Variants in XPNPEP3 observed in about 807,000 individuals in gnomAD.
The protein encoded by XPNPEP3 is xaa-Pro aminopeptidase 3.
In XPNPEP3, 41 loss-of-function variants were observed where a neutral mutation model predicts 60.0. That is an observed-to-expected ratio of 0.68 (90% CI 0.53 to 0.89). The LOEUF (loss-of-function observed/expected upper bound fraction) is 0.89, where lower values mean the gene tolerates loss of function less well. Ranked by LOEUF, XPNPEP3 falls within the 40% of genes least tolerant of loss-of-function variation. XPNPEP3 has a pLI of 0.00. For synonymous variants in XPNPEP3, 212 were observed against 223.2 expected (o/e 0.95, Z 0.45); for missense variants, 598 against 638.9 (o/e 0.94, Z 0.69).
At chr22:40,895,854 T>C (rs1476012289) in intron 4 of XPNPEP3, among the ~76,000 whole-genome samples, 1 of 152,136 alleles carries the variant, frequency 6.6e-6, no homozygotes, top group Non-Finnish European at 1.5e-5. Flanking sequence ...TATCGTACAC[T>C]GTCTTACTCC....
chr22:40,892,568 A>G (rs1601505566), intron 4 of XPNPEP3, among the ~76,000 whole-genome samples: 1 of 152,180 alleles, frequency 6.6e-6, no homozygotes, highest in East Asian at 1.9e-4. Context: ...TCCTAATTCC[A>G]CTAAGGCTCT....
At chr22:40,887,310 G>A (rs961096369) in intron 4 of XPNPEP3, among the ~76,000 whole-genome samples, 1 of 152,144 alleles carries the variant, frequency 6.6e-6, no homozygotes, top group African/African-American at 2.4e-5. Flanking sequence ...CCCTAGGTGA[G>A]GGCCAGGCAG....
chr22:40,902,515 G>T (rs920716210), intron 4 of XPNPEP3, among the ~76,000 whole-genome samples: 3 of 152,086 alleles, frequency 2.0e-5, no homozygotes, highest in African/African-American at 7.2e-5. Context: ...CTCCCAAAGT[G>T]CTGGGATTAC....
rs73412748 is a variant in XPNPEP3, at chr22:40,868,139, T to G, written c.65-860T>G. Among the ~76,000 whole-genome samples the G allele has an allele frequency of 8.8e-3, 1,341 of 152,334 alleles. 28 individuals carry two copies. The highest frequency in any genetic ancestry group is 0.031 in the African/African-American group (1,288 of 41,578). On this transcript the variant is annotated intron_variant, in intron 1 of 9. Transcript: ENST00000357137. ...CATGTGCAAAGAATTTTTTAATTAATGCTAATAACTAACATTTGTTGTACT... is the reference window on the plus strand; with the variant it reads ...CATGTGCAAAGAATTTTTTAATTAAGGCTAATAACTAACATTTGTTGTACT...
chr22:40,905,227 G>A (rs530631356), intron 4 of XPNPEP3, among the ~76,000 whole-genome samples: 1 of 151,932 alleles, frequency 6.6e-6, no homozygotes, highest in South Asian at 2.1e-4. Context: ...CCACAGGCGC[G>A]TACCACCACG....
Position 40,867,769 on chromosome 22 carries a change from T to C in XPNPEP3, c.65-1230T>C, listed in dbSNP as rs116943238. On this transcript the variant is annotated intron_variant, in intron 1 of 9. Coordinates refer to ENST00000357137, the MANE Select transcript of XPNPEP3 (RefSeq NM_022098.4). ...GGAAGGAAATATTAGTTTGCATTTT[T>C]CTAAAGCATCCAAACTGTTGGAGAT... 2.5e-3 allele frequency among the ~76,000 whole-genome samples: 380 copies of C among 152,190 alleles called. 12 individuals carry two copies. In the East Asian group the frequency reaches 0.068, roughly 27 times the overall value.
At position 40,886,338 on chromosome 22, in the gene XPNPEP3, C is replaced by A; in HGVS notation, c.615C>A (p.Asp205Glu). ...MKAETNMVWY[D>E]WMRPSHAQLH... is the part of the protein sequence containing the mutation. ...CTGAGACGAACATGGTTTGGTATGA[C>A]TGGATGAGGCCCTCACATGCACAGC... The change falls in exon 4 of 10, where the codon GAC becomes GAA. Residue 205 changes from aspartate (D) to glutamate (E), a missense_variant. Physicochemically the swap from Asp to Glu is conservative, Grantham distance 45. Transcript: ENST00000357137. 1 of 1,614,080 alleles carries A rather than the reference C, an allele frequency of 6.2e-7. No individual in the cohort carries two copies. The highest frequency in any genetic ancestry group is 8.5e-7 in the Non-Finnish European group (1 of 1,180,034).
At position 40,908,459 on chromosome 22, in the gene XPNPEP3, A is replaced by G. The variant is rs114635938; in HGVS notation, c.856-663A>G. On this transcript the variant is annotated intron_variant, in intron 5 of 9. Coordinates refer to ENST00000357137, the MANE Select transcript of XPNPEP3 (RefSeq NM_022098.4). ...CTTGAGCCTGGAAGGTTCAGGCTATAGTGAACTATGATTGCCCCACTGCAC... is the reference window on the plus strand; with the variant it reads ...CTTGAGCCTGGAAGGTTCAGGCTATGGTGAACTATGATTGCCCCACTGCAC... 5.4e-3 allele frequency among the ~76,000 whole-genome samples: 825 copies of G among 152,176 alleles called. 4 individuals carry two copies. The highest frequency in any genetic ancestry group is 0.019 in the African/African-American group (794 of 41,510).
intron 1 of XPNPEP3, among the ~76,000 whole-genome samples, chr22:40,866,998 G>A (rs761558830): frequency 3.9e-5 from 6 of 152,192 alleles, no homozygotes; most frequent in Non-Finnish European, 4.4e-5. Flanking sequence ...GTGCACGAGC[G>A]TGCATGTGGA....
intron 4 of XPNPEP3, among the ~76,000 whole-genome samples, chr22:40,887,057 C>T (rs961152307): frequency 1.3e-5 from 2 of 152,034 alleles, no homozygotes; most frequent in African/African-American, 4.8e-5. Flanking sequence ...TTAATTATTT[C>T]TCCTTAGAAC....
chr22:40,901,288 G>A (rs1189007104), intron 4 of XPNPEP3, among the ~76,000 whole-genome samples: 2 of 132,934 alleles, frequency 1.5e-5, no homozygotes, highest in Non-Finnish European at 3.1e-5. Context: ...AGGCTGGAGT[G>A]CAATGGCCCA....
chr22:40,873,630 T>C (rs1179136115), intron 2 of XPNPEP3, among the ~76,000 whole-genome samples: 2 of 151,690 alleles, frequency 1.3e-5, no homozygotes, highest in African/African-American at 4.8e-5. Context: ...GTAAGCAAAA[T>C]TAGCTGAGTG....
At chr22:40,899,543 C>T (rs972409700) in intron 4 of XPNPEP3, among the ~76,000 whole-genome samples, 10 of 152,040 alleles carry the variant, frequency 6.6e-5, no homozygotes, top group Non-Finnish European at 1.0e-4. Context: ...AAGTTGTGCC[C>T]GGGCACAGTG....
chr22:40,888,477 C>T (rs958985238), intron 4 of XPNPEP3: 15 of 408,570 alleles, frequency 3.7e-5, no homozygotes, highest in Admixed American at 3.4e-4. Context: ...CTCCTGAGCT[C>T]AAGCAGTCCG....
At chr22:40,902,649 T>C (rs571776282) in intron 4 of XPNPEP3, among the ~76,000 whole-genome samples, 8 of 152,024 alleles carry the variant, frequency 5.3e-5, no homozygotes, top group African/African-American at 1.9e-4. Context: ...TCCCAAAGTG[T>C]TGGGATTACA....
chr22:40,901,260 T>A (rs1397918418), intron 4 of XPNPEP3, among the ~76,000 whole-genome samples: 1 of 147,116 alleles, frequency 6.8e-6, no homozygotes, highest in Non-Finnish European at 1.5e-5. Context: ...GAGATGGAGT[T>A]TCACTCTTCT....
In XPNPEP3 at chr22:40,909,149, G is replaced by T. The variant is rs758089128; in HGVS notation, c.883G>T (p.Ala295Ser). The change falls in exon 6 of 10, where the codon GCA (alanine) becomes TCA (serine). Residue 295 changes from alanine to serine, a missense_variant. By Grantham distance (99) the Ala-to-Ser change is moderately conservative. Coordinates refer to ENST00000357137, the MANE Select transcript of XPNPEP3 (RefSeq NM_022098.4). Reference protein sequence around the residue: ...KFEFECRARGADILAYPPVVA... With the variant: ...KFEFECRARGSDILAYPPVVA... The stretch of plus-strand genomic sequence containing the variant: ...TGAATTTGAATGCCGGGCTCGTGGC[G>T]CAGACATTTTAGCCTATCCACCTGT... 3 of 1,614,150 alleles carry T rather than the reference G, an allele frequency of 1.9e-6. No individual in the cohort carries two copies. Among genetic ancestry groups the T allele is most frequent in the Middle Eastern group, 1.6e-4 (1 of 6,062 alleles).
intron 1 of XPNPEP3, among the ~76,000 whole-genome samples, chr22:40,868,437 G>GTGTGTA (rs980541752): frequency 6.6e-6 from 1 of 151,218 alleles, no homozygotes; most frequent in Non-Finnish European, 1.5e-5. Flanking sequence ...GCGTGTGTGT[G>GTGTGTA]TGTGTGTGTG....
chr22:40,869,353 A>G (rs2145775102), intron 2 of XPNPEP3, among the ~76,000 whole-genome samples: 1 of 152,294 alleles, frequency 6.6e-6, no homozygotes, highest in Non-Finnish European at 1.5e-5. Flanking sequence ...CTGGTGCTTT[A>G]TTGACAATAC....
Sources: gnomAD v4.1 joint callset for allele counts (sites outside exome capture counted in the v4.1 genomes callset) on GRCh38, gnomAD v4.1.1 for gene constraint, MANE v1.5 for transcripts, NCBI Gene and HGNC (gene_info 2026-07-23, HGNC 2026-07-21) for gene names.